HPSE: variants seen among roughly 807,000 people sequenced by gnomAD.
HPSE encodes the protein heparanase, also known as endo-glucoronidase.
HPSE carries 48 observed loss-of-function variants against 65.1 expected under a neutral mutation model. That is an observed-to-expected ratio of 0.74 (90% CI 0.58 to 0.94). HPSE has a LOEUF of 0.94. Ranked by LOEUF, HPSE falls within the 40% of genes least tolerant of loss-of-function variation. HPSE has a pLI of 0.00. For missense variants in HPSE, 644 were observed against 637.5 expected (o/e 1.01, Z -0.11); for synonymous variants, 243 against 260.0 (o/e 0.93, Z 0.63).
intron 2 of HPSE, among the ~76,000 whole-genome samples, chr4:83,320,486 AGCCT>A (rs1736846193): frequency 6.6e-6 from 1 of 151,574 alleles, no homozygotes; most frequent in African/African-American, 2.4e-5. Context: ...GGATGCCTTG[AGCCT>A]GGGAGGCAGA....
At chr4:83,335,003 A>C, upstream of HPSE, 6 of 627,914 alleles carry the variant, frequency 9.6e-6, no homozygotes, top group Admixed American at 3.6e-5. Flanking sequence ...GCTCTCTCCT[A>C]CTTCCTTGCT....
intron 3 of HPSE, among the ~76,000 whole-genome samples, chr4:83,315,149 T>C (rs1280330130): frequency 2.5e-5 from 1 of 40,666 alleles, no homozygotes; most frequent in East Asian, 1.5e-3. Context: ...CAAGACTCTG[T>C]CTCAAAAAAA....
At chr4:83,312,889 GC>G in intron 4 of HPSE, among the ~76,000 whole-genome samples, 2 of 106,808 alleles carry the variant, frequency 1.9e-5, no homozygotes, top group African/African-American at 8.3e-5. Flanking sequence ...GGGCGCGGTG[GC>G]GGGTGCCTGT....
chr4:83,304,722 T>C (rs955011333), intron 9 of HPSE, among the ~76,000 whole-genome samples: 1 of 152,162 alleles, frequency 6.6e-6, no homozygotes, highest in African/African-American at 2.4e-5. Flanking sequence ...ACTTTCCTTC[T>C]TGAAAGTAGA....
chr4:83,315,415 C>T (rs1232042515), intron 3 of HPSE, among the ~76,000 whole-genome samples: 1 of 152,178 alleles, frequency 6.6e-6, no homozygotes, highest in Admixed American at 6.5e-5. Flanking sequence ...GCTTAACCTC[C>T]ACCCTCATTT....
At chr4:83,322,036 A>C (rs529316861) in intron 2 of HPSE, among the ~76,000 whole-genome samples, 183 bp downstream of exon 2, 2 of 142,464 alleles carry the variant, frequency 1.4e-5, no homozygotes, top group African/African-American at 2.6e-5. Flanking sequence ...CATGACAAAC[A>C]TCATGATAAG....
intron 1 of HPSE, among the ~76,000 whole-genome samples, chr4:83,333,456 G>A (rs1478743786): frequency 1.3e-5 from 2 of 152,162 alleles, no homozygotes; most frequent in Non-Finnish European, 2.9e-5. Flanking sequence ...TATAGTGTGG[G>A]CTCAGGGAGG....
At chr4:83,313,576 A>G (rs1365315034) in intron 3 of HPSE, among the ~76,000 whole-genome samples, 1 of 152,180 alleles carries the variant, frequency 6.6e-6, no homozygotes, top group East Asian at 1.9e-4. Flanking sequence ...GGAAGCCACA[A>G]TTTATAGCTC....
At chr4:83,310,991 A>G in intron 4 of HPSE, 101 bp from the exon 5 acceptor site, 1 of 981,690 alleles carries the variant, frequency 1.0e-6, no homozygotes, top group Non-Finnish European at 1.5e-6. Flanking sequence ...CCAAATTACA[A>G]AAACTTGTAA....
At chr4:83,334,947 T>C, upstream of HPSE, 1 of 1,141,182 alleles carries the variant, frequency 8.8e-7, no homozygotes, top group Non-Finnish European at 1.2e-6. Flanking sequence ...ACTCCTCTTC[T>C]GCATCCCTCC....
chr4:83,324,818 A>G (rs998875164), intron 1 of HPSE, among the ~76,000 whole-genome samples: 7 of 152,240 alleles, frequency 4.6e-5, no homozygotes, highest in Admixed American at 2.0e-4. Context: ...CAGTTTGGGA[A>G]GACGAAGAAG....
At chr4:83,299,603 T>C (rs1735863815) in intron 11 of HPSE, among the ~76,000 whole-genome samples, 1 of 152,152 alleles carries the variant, frequency 6.6e-6, no homozygotes, top group South Asian at 2.1e-4. Flanking sequence ...GTGCTTACTG[T>C]ACTGCCTCAG....
chr4:83,301,194 T>G, intron 10 of HPSE, 88 bp from the exon 11 acceptor site: 6 of 803,200 alleles, frequency 7.5e-6, no homozygotes, highest in Non-Finnish European at 1.2e-5. Context: ...TAAGTATTAG[T>G]ATCCATAATG....
At chr4:83,330,254 C>G (rs1285238966) in intron 1 of HPSE, among the ~76,000 whole-genome samples, 4 of 152,166 alleles carry the variant, frequency 2.6e-5, no homozygotes, top group East Asian at 1.9e-4. Context: ...ACAGGGAAGA[C>G]AGTGTCATCA....
chr4:83,295,182 G>T lies in HPSE; in HGVS notation c.*162C>A. ...TATTATTAGCAGTGTTCTACCTAGC[G>T]AGATCAAAATACTGTGCTAAATCTA... On this transcript the variant is annotated 3_prime_UTR_variant, in exon 12 of 12. Transcript: ENST00000311412. 2.1e-6 allele frequency: 1 copy of T among 474,388 alleles called. No individual in the cohort carries two copies. Among genetic ancestry groups the T allele is most frequent in the Non-Finnish European group, 3.7e-6 (1 of 266,694 alleles). The allele number at this position is 474,388 out of a possible 1,614,324, so 29.4% of individuals were successfully genotyped here. A position where few individuals can be genotyped will look rare whatever the true frequency, so the allele number is the denominator to read the frequency against.
At chr4:83,309,572 T>C (rs1275754340) in intron 6 of HPSE, 77 bp from the exon 7 acceptor site, 3 of 817,540 alleles carry the variant, frequency 3.7e-6, no homozygotes, top group Non-Finnish European at 6.2e-6. Context: ...CTGACCTTAT[T>C]CTCCTTCTTA....
chr4:83,318,674 C>G (rs577949434), intron 3 of HPSE, among the ~76,000 whole-genome samples: 1 of 145,916 alleles, frequency 6.9e-6, no homozygotes, highest in East Asian at 2.0e-4. Context: ...TGCGCCATTG[C>G]ACTCCAGGCT....
In HPSE at chr4:83,310,789, T is replaced by C; in HGVS notation, c.775A>G (p.Lys259Glu). 2 of 1,614,236 alleles carry C rather than the reference T, an allele frequency of 1.2e-6. No homozygotes were observed. Among genetic ancestry groups the C allele is most frequent in the Non-Finnish European group, 1.7e-6 (2 of 1,180,036 alleles). ...TCAGGACCATAGAGTTTTGCATTTT[T>C]GAAGGTGGACTTTCTTAGAAGTTTA... ...LHKLLRKSTF[K>E]NAKLYGPDVG... Residue 259 changes from lysine to glutamate, a missense_variant, in exon 5 of 12, where the codon AAA (lysine) becomes GAA (glutamate). Lys to Glu is a moderately conservative substitution (Grantham distance 56, BLOSUM62 1). Coordinates refer to ENST00000311412, the MANE Select transcript of HPSE (RefSeq NM_001098540.3).
chr4:83,331,648 T>G (rs1380624081), intron 1 of HPSE, among the ~76,000 whole-genome samples: 1 of 152,192 alleles, frequency 6.6e-6, no homozygotes, highest in African/African-American at 2.4e-5. Flanking sequence ...TTAAGTTTTG[T>G]GTGGAGTTGG....
Sources: gnomAD v4.1 joint callset for allele counts (sites outside exome capture counted in the v4.1 genomes callset) on GRCh38, gnomAD v4.1.1 for gene constraint, MANE v1.5 for transcripts, NCBI Gene and HGNC (gene_info 2026-07-23, HGNC 2026-07-21) for gene names.